FRMPD4: variants seen among roughly 807,000 people sequenced by gnomAD.
FRMPD4 encodes the protein FERM and PDZ domain-containing protein 4.
Under a neutral mutation model 94.1 loss-of-function variants are expected in FRMPD4, and 22 were observed. That is an observed-to-expected ratio of 0.23 (90% CI 0.17 to 0.33). FRMPD4 has a LOEUF of 0.33. FRMPD4 is among the 10% of genes least tolerant of loss of function. FRMPD4 has a pLI of 1.00. For synonymous variants in FRMPD4, 631 were observed against 548.6 expected (o/e 1.15, Z -2.10); for missense variants, 1,111 against 1,339.9 (o/e 0.83, Z 2.67).
upstream of FRMPD4, chrX:12,138,418 G>C (rs1303756163): frequency 2.5e-5 from 3 of 121,843 alleles, no homozygotes; most frequent in African/African-American, 9.6e-5. Context: ...CCCCCCGGGC[G>C]GGTGGGGGTG....
intron 1 of FRMPD4, chrX:12,341,766 C>A (rs1347038127): frequency 1.9e-5 from 4 of 206,743 alleles, no homozygotes; most frequent in Admixed American, 4.8e-5. Flanking sequence ...TTTTATGTCT[C>A]CCAACAAAAT....
chrX:12,142,414 G>C (rs1467910602), intron 1 of FRMPD4, among the ~76,000 whole-genome samples: 1 of 111,468 alleles, frequency 9.0e-6, no homozygotes, highest in African/African-American at 3.3e-5. Context: ...CCAGGGAAAA[G>C]GGGAAGTTAA....
chrX:12,042,729 A>G (rs1215050580), intron 3 of FRMPD4, among the ~76,000 whole-genome samples: 1 of 111,680 alleles, frequency 9.0e-6, no homozygotes. Context: ...CTTTTCTTGT[A>G]CTTCTAAGGT....
intron 9 of FRMPD4, among the ~76,000 whole-genome samples, chrX:12,701,048 T>G (rs1342119710): frequency 9.3e-6 from 1 of 107,575 alleles, no homozygotes; most frequent in East Asian, 2.9e-4. Context: ...TAAGAGCTTT[T>G]GGGGTTTTGT....
chrX:11,946,141 C>T (rs192632406), intron 3 of FRMPD4, among the ~76,000 whole-genome samples: 20 of 112,269 alleles, frequency 1.8e-4, no homozygotes, highest in African/African-American at 5.5e-4. Context: ...ACCCAAAACT[C>T]ATTTGCCTTT....
chrX:12,501,066 A>G (rs1602033515), intron 2 of FRMPD4, among the ~76,000 whole-genome samples: 1 of 112,358 alleles, frequency 8.9e-6, no homozygotes, highest in Non-Finnish European at 1.9e-5. Flanking sequence ...AACTGAGGCC[A>G]ACTGGTTAGA....
At chrX:12,222,361 T>C (rs5979553) in intron 1 of FRMPD4, among the ~76,000 whole-genome samples, 34,717 of 111,221 alleles carry the variant, frequency 0.31, 4,223 homozygotes, top group Non-Finnish European at 0.39. Context: ...AACAAGGAAC[T>C]GCATGGACAG....
intron 1 of FRMPD4, among the ~76,000 whole-genome samples, chrX:12,246,090 C>T (rs1221146920): frequency 1.8e-5 from 2 of 111,430 alleles, no homozygotes; most frequent in East Asian, 5.6e-4. Flanking sequence ...TATTCTTCCC[C>T]TTTAGGGTTT....
intron 1 of FRMPD4, among the ~76,000 whole-genome samples, chrX:12,197,342 ATT>A (rs1322661920): frequency 1.8e-5 from 2 of 111,711 alleles, no homozygotes; most frequent in Admixed American, 9.5e-5. Context: ...CCTATGAAAT[ATT>A]GATACAGTGT....
At chrX:12,411,180 T>C (rs920841244) in intron 1 of FRMPD4, among the ~76,000 whole-genome samples, 2 of 111,781 alleles carry the variant, frequency 1.8e-5, no homozygotes, top group Non-Finnish European at 3.8e-5. Context: ...ACACCCACTC[T>C]TCAAGTTTTG....
At chrX:11,851,981 G>T (rs923724083) in intron 1 of FRMPD4, among the ~76,000 whole-genome samples, 4 of 107,005 alleles carry the variant, frequency 3.7e-5, no homozygotes, top group African/African-American at 6.8e-5. Flanking sequence ...CTAAGAGATA[G>T]ACAGTGGGGT....
intron 3 of FRMPD4, among the ~76,000 whole-genome samples, chrX:12,006,976 G>A (rs2147410798): frequency 8.9e-6 from 1 of 111,917 alleles, no homozygotes; most frequent in Admixed American, 9.5e-5. Context: ...AATGAAGATG[G>A]CCCAAACTCT....
rs748160262 is a variant in FRMPD4 at position 12,199,146 on chromosome X, C to CTTTTG, written c.41+60135_41+60139dup. Among the ~76,000 whole-genome samples, 11 of 110,806 alleles carry CTTTTG rather than the reference C, an allele frequency of 9.9e-5. No homozygotes were observed. The East Asian group carries it at 3.1e-3, about 32-fold the overall frequency. The stretch of plus-strand genomic sequence containing the variant: ...AAGGGACCTCATAGAGTATGTGTGC[C>CTTTTG]TTTTGGTTGAACTAGCTTATTCCAA... On this transcript the variant is annotated intron_variant, in intron 1 of 16. Transcript: ENST00000675598.
At chrX:11,889,864 G>C (rs1415866970) in intron 3 of FRMPD4, among the ~76,000 whole-genome samples, 1 of 112,135 alleles carries the variant, frequency 8.9e-6, no homozygotes, top group Non-Finnish European at 1.9e-5. Context: ...CAGCACTCTA[G>C]CCTGAGCTTC....
At chrX:12,599,695 T>C (rs914410623) in intron 2 of FRMPD4, among the ~76,000 whole-genome samples, 1 of 112,028 alleles carries the variant, frequency 8.9e-6, no homozygotes, top group Admixed American at 9.5e-5. Context: ...TCAATGACTC[T>C]GTCCATCACA....
chrX:12,516,890 C>T (rs939949050), intron 2 of FRMPD4, among the ~76,000 whole-genome samples: 1 of 76,634 alleles, frequency 1.3e-5, no homozygotes, highest in Non-Finnish European at 2.3e-5. Flanking sequence ...TTGTTCATTC[C>T]TTTTCGTTCT....
At chrX:12,678,606 A>T (rs12687307) in intron 5 of FRMPD4, among the ~76,000 whole-genome samples, 1 of 110,398 alleles carries the variant, frequency 9.1e-6, no homozygotes, top group Non-Finnish European at 1.9e-5. Context: ...CGGGCAGATC[A>T]CCTGAGGTCG....
intron 9 of FRMPD4, among the ~76,000 whole-genome samples, chrX:12,701,320 G>A (rs1004031525): frequency 2.7e-5 from 3 of 110,309 alleles, no homozygotes; most frequent in Non-Finnish European, 3.8e-5. Flanking sequence ...TAATCCACCC[G>A]CCTTGGCCTC....
intron 1 of FRMPD4, among the ~76,000 whole-genome samples, chrX:11,832,847 C>A (rs1227067736): frequency 9.0e-6 from 1 of 111,562 alleles, no homozygotes; most frequent in Non-Finnish European, 1.9e-5. Flanking sequence ...CACATCATCA[C>A]CCAGAATCCA....
Sources: gnomAD v4.1 joint callset for allele counts (sites outside exome capture counted in the v4.1 genomes callset) on GRCh38, gnomAD v4.1.1 for gene constraint, MANE v1.5 for transcripts, NCBI Gene and HGNC (gene_info 2026-07-23, HGNC 2026-07-21) for gene names.